MEGF8: variants seen among roughly 807,000 people sequenced by gnomAD.
The protein encoded by MEGF8 is multiple EGF like domains 8, also known as multiple epidermal growth factor-like domains protein 8.
MEGF8 carries 156 observed loss-of-function variants against 302.9 expected under a neutral mutation model. The ratio of observed to expected loss-of-function variants is 0.52; its 90% CI spans 0.45 to 0.59. The LOEUF is 0.59. MEGF8 is among the 20% of genes least tolerant of loss of function. The pLI, the probability that MEGF8 is intolerant of heterozygous loss-of-function variation, is 0.00. For missense variants in MEGF8, 3,345 were observed against 3,964.5 expected (o/e 0.84, Z 4.20); for synonymous variants, 1,621 against 1,660.5 (o/e 0.98, Z 0.58).
Position 42,368,697 on chromosome 19 carries a change from G to A in MEGF8, c.6481+35G>A, listed in dbSNP as rs550244034. ...CTTTGGGCACTGGGGGAGAGGGGCT[G>A]GCCCTTGGTTGGGGTCTGATACAGT... On this transcript the variant is annotated intron_variant, in intron 36 of 41. Transcript: ENST00000251268. The surrounding 1 kb of genome is among the most constrained non-coding windows in gnomAD (Gnocchi z 4.9). The A allele has an allele frequency of 6.5e-6, 10 of 1,531,014 alleles. No individual in the cohort carries two copies. In the East Asian group the frequency reaches 2.1e-4, roughly 31 times the overall value. 94.8% of individuals were successfully genotyped at this position (1,531,014 alleles called of 1,614,324 possible).
rs765906928 is a variant in MEGF8 at position 42,348,382 on chromosome 19, A to G, written c.2208A>G (p.Gly736=). Reference sequence around the variant, plus strand: ...CAATGCTGCCTGGAGGGCCAGGTGGACCAGGGGCTGAGGACGTGGCCGTGT... The same window carrying G: ...CAATGCTGCCTGGAGGGCCAGGTGGGCCAGGGGCTGAGGACGTGGCCGTGT... The part of the protein sequence containing the change: ...IYPMLPGGPG[G]PGAEDVAVWT... Residue 736 remains glycine, a synonymous_variant, in exon 13 of 42, where the codon GGA becomes GGG. Transcript: ENST00000251268. The G allele has an allele frequency of 1.8e-4, 284 of 1,537,182 alleles. No individual in the cohort carries two copies. Among genetic ancestry groups the G allele is most frequent in the Admixed American group, 3.7e-4 (19 of 50,978 alleles).
rs2039134924 is a variant in MEGF8, at chr19:42,336,834, G to A, written c.1272G>A (p.Glu424=). 1 of 1,607,482 alleles carries A rather than the reference G, an allele frequency of 6.2e-7. No homozygotes were observed. The highest frequency in any genetic ancestry group is 8.5e-7 in the Non-Finnish European group (1 of 1,176,548). ...TCTCTGTGCGAGTGAACTCCACTGAGCTTTTCCACGTGGATCGGCATGTGT... is the reference window on the plus strand; with the variant it reads ...TCTCTGTGCGAGTGAACTCCACTGAACTTTTCCACGTGGATCGGCATGTGT... ...ARFSVRVNST[E]LFHVDRHVWT... is the part of the protein sequence containing the mutation. The change falls in exon 7 of 42, where the codon GAG becomes GAA. Residue 424 remains glutamate, a synonymous_variant. Coordinates refer to ENST00000251268, the MANE Select transcript of MEGF8 (RefSeq NM_001271938.2). This position sits in a 1 kb window ranked among gnomAD's most constrained non-coding sequence, Gnocchi z 4.8.
chr19:42,357,470 C>T lies in MEGF8; in HGVS notation c.4897C>T (p.Leu1633=). The T allele has an allele frequency of 6.2e-7, 1 of 1,613,828 alleles. No individual in the cohort carries two copies. The highest frequency in any genetic ancestry group is 8.5e-7 in the Non-Finnish European group (1 of 1,179,812). Residue 1633 remains leucine, a synonymous_variant, in exon 28 of 42, where the codon CTG becomes TTG. Coordinates refer to ENST00000251268, the MANE Select transcript of MEGF8 (RefSeq NM_001271938.2). This position sits in a 1 kb window ranked among gnomAD's most constrained non-coding sequence, Gnocchi z 5.2. Reference sequence around the variant, plus strand: ...CCTTACTGCCCGCCGAGGCCTGTCTCTGCTCCTGGTGGGCGGTTACTCCCC... The same window carrying T: ...CCTTACTGCCCGCCGAGGCCTGTCTTTGCTCCTGGTGGGCGGTTACTCCCC... ...HTLTARRGLS[L]LLVGGYSPEN... is the part of the protein sequence containing the mutation.
At chr19:42,349,342 T>G (rs2039335350) in intron 13 of MEGF8, among the ~76,000 whole-genome samples, 157 bp from the exon 14 acceptor site, 3 of 142,514 alleles carry the variant, frequency 2.1e-5, no homozygotes, top group East Asian at 2.1e-4. Flanking sequence ...GGAGGGTCCC[T>G]GGGGGTCTCA....
intron 41 of MEGF8, among the ~76,000 whole-genome samples, chr19:42,372,029 C>T (rs900077372): frequency 1.6e-4 from 21 of 133,882 alleles, no homozygotes; most frequent in Non-Finnish European, 3.0e-4. Context: ...GGCTGCAGGA[C>T]TCTGTCTCAA....
intron 34 of MEGF8, 35 bp downstream of exon 34, chr19:42,362,632 T>C (rs1286552153): frequency 6.3e-7 from 1 of 1,599,672 alleles, no homozygotes. Flanking sequence ...GAGGGGAGTC[T>C]TGGGGCCTGG....
At chr19:42,331,609 G>A (rs1600007975) in intron 1 of MEGF8, among the ~76,000 whole-genome samples, 1 of 150,548 alleles carries the variant, frequency 6.6e-6, no homozygotes, top group Admixed American at 6.7e-5. Flanking sequence ...CACTCTTGTC[G>A]CCCAGGCTGG....
In MEGF8 at chr19:42,375,644, G is replaced by T; in HGVS notation, c.7407G>T (p.Ala2469=). The change falls in exon 42 of 42, where the codon GCG becomes GCT. Residue 2469 remains alanine (A), a synonymous_variant. Coordinates refer to ENST00000251268, the MANE Select transcript of MEGF8 (RefSeq NM_001271938.2). The surrounding 1 kb of genome is among the most constrained non-coding windows in gnomAD (Gnocchi z 7.1). ...GCTTCCATGAGCCCAAACGCCGGGC[G>T]CTAGGCCCCGGCCGCACTGTCCTCT... ...TNCFHEPKRR[A]LGPGRTVLFG... is the part of the protein sequence containing the mutation. The T allele has an allele frequency of 6.2e-7, 1 of 1,609,438 alleles. No individual in the cohort carries two copies. Among genetic ancestry groups the T allele is most frequent in the Non-Finnish European group, 8.5e-7 (1 of 1,178,448 alleles).
rs753271808 is a variant in MEGF8 at position 42,333,772 on chromosome 19, A to G, written c.351+4A>G. The G allele has an allele frequency of 4.3e-5, 70 of 1,613,498 alleles. No individual in the cohort carries two copies. The highest frequency in any genetic ancestry group is 2.9e-4 in the African/African-American group (22 of 74,924). ...CATCGAAGCTTCCTCAGGCAAGGTTAGTGGGGATGGGGCCGTGGCAGATAC... is the reference window on the plus strand; with the variant it reads ...CATCGAAGCTTCCTCAGGCAAGGTTGGTGGGGATGGGGCCGTGGCAGATAC... On this transcript the variant is annotated splice_donor_region_variant and intron_variant, in intron 2 of 41. Transcript: ENST00000251268.
At position 42,354,863 on chromosome 19, in the gene MEGF8, G is replaced by A; in HGVS notation, c.4144+143G>A. On this transcript the variant is annotated intron_variant, in intron 23 of 41. Transcript: ENST00000251268. The surrounding 1 kb of genome is among the most constrained non-coding windows in gnomAD (Gnocchi z 4.3). ...AGTCCCTCACCATCTCTGGACCTCA[G>A]TGTCCTTAGTTGAGAGGAAAATAGG... The A allele has an allele frequency of 1.1e-6, 1 of 913,318 alleles. No homozygotes were observed. The highest frequency in any genetic ancestry group is 1.6e-6 in the Non-Finnish European group (1 of 632,214). The allele number at this position is 913,318 out of a possible 1,614,324, so 56.6% of individuals were successfully genotyped here. A position where few individuals can be genotyped will look rare whatever the true frequency, so the allele number is the denominator to read the frequency against.
At position 42,368,154 on chromosome 19, in the gene MEGF8, G is replaced by C. The variant is rs150273263; in HGVS notation, c.6274-301G>C. ...GCTGGTCTGGAACTCTTGGGCTCAAGTGATCCTCCCACTGTAGCCTCCCAA... is the reference window on the plus strand; with the variant it reads ...GCTGGTCTGGAACTCTTGGGCTCAACTGATCCTCCCACTGTAGCCTCCCAA... On this transcript the variant is annotated intron_variant, in intron 35 of 41. Transcript: ENST00000251268. The surrounding 1 kb of genome is among the most constrained non-coding windows in gnomAD (Gnocchi z 4.9). 7.9e-5 allele frequency among the ~76,000 whole-genome samples: 12 copies of C among 152,316 alleles called. No individual in the cohort carries two copies. The highest frequency in any genetic ancestry group is 7.2e-4 in the Admixed American group (11 of 15,296).
At chr19:42,340,746 C>T (rs930812655) in intron 8 of MEGF8, among the ~76,000 whole-genome samples, 3 of 152,152 alleles carry the variant, frequency 2.0e-5, no homozygotes, top group Non-Finnish European at 2.9e-5. Context: ...CCACTCACTG[C>T]AACCTCCACC....
At position 42,368,947 on chromosome 19, in the gene MEGF8, C is replaced by T; in HGVS notation, c.6586C>T (p.His2196Tyr). ...HHDCNETQNC[H>Y]DQPHGYECSC... ...CGACTGCAACGAGACGCAGAATTGC[C>T]ACGACCAGCCCCACGGCTATGAGTG... is the stretch of plus-strand genomic sequence containing the variant. The change falls in exon 37 of 42, where the codon CAC (histidine) becomes TAC (tyrosine). Residue 2196 changes from histidine (H) to tyrosine (Y), a missense_variant. His to Tyr is a moderately conservative substitution (Grantham distance 83, BLOSUM62 2). Coordinates refer to ENST00000251268, the MANE Select transcript of MEGF8 (RefSeq NM_001271938.2). The surrounding 1 kb of genome is among the most constrained non-coding windows in gnomAD (Gnocchi z 4.9). The T allele has an allele frequency of 6.2e-7, 1 of 1,613,918 alleles. No homozygotes were observed. The highest frequency in any genetic ancestry group is 8.5e-7 in the Non-Finnish European group (1 of 1,179,900).
chr19:42,345,695 C>G (rs1386936683), intron 12 of MEGF8, among the ~76,000 whole-genome samples: 1 of 152,222 alleles, frequency 6.6e-6, no homozygotes, highest in South Asian at 2.1e-4. Flanking sequence ...CATTCATCAG[C>G]TGATGGACGT....
At chr19:42,361,131 G>T (rs73033437) in intron 32 of MEGF8, 125 bp downstream of exon 32, 1 of 1,019,996 alleles carries the variant, frequency 9.8e-7, no homozygotes, top group Non-Finnish European at 1.4e-6. Flanking sequence ...GTGAATCACC[G>T]CAGGCAGGGT....
rs778618329 is a variant in MEGF8 at position 42,356,161 on chromosome 19, T to G, written c.4471T>G (p.Trp1491Gly). 1.3e-6 allele frequency: 2 copies of G among 1,560,894 alleles called. No homozygotes were observed. Among genetic ancestry groups the G allele is most frequent in the Admixed American group, 1.9e-5 (1 of 53,384 alleles). ...ATKLDGGQLV[W>G]ETLMDSRLSA... ...CAAGCTGGATGGCGGGCAGCTGGTC[T>G]GGGAGACCCTCATGGACAGCCGCCT... Residue 1491 changes from tryptophan to glycine, a missense_variant, in exon 25 of 42, where the codon TGG becomes GGG. Transcript: ENST00000251268. This position sits in a 1 kb window ranked among gnomAD's most constrained non-coding sequence, Gnocchi z 5.2.
In MEGF8 at chr19:42,352,326, G is replaced by T; in HGVS notation, c.3220G>T (p.Asp1074Tyr). The T allele has an allele frequency of 6.3e-7, 1 of 1,583,468 alleles. No individual in the cohort carries two copies. Among genetic ancestry groups the T allele is most frequent in the Non-Finnish European group, 8.6e-7 (1 of 1,165,572 alleles). Reference sequence around the variant, plus strand: ...CCGCTGGGCATACGCCCGCTGTCCTGACGTGGATGAGTGTCGCCTGGGCCT... The same window carrying T: ...CCGCTGGGCATACGCCCGCTGTCCTTACGTGGATGAGTGTCGCCTGGGCCT... Reference protein sequence around the residue: ...PARWAYARCPDVDECRLGLAR... With the variant: ...PARWAYARCPYVDECRLGLAR... Residue 1074 changes from aspartate (D) to tyrosine (Y), a missense_variant, in exon 19 of 42, where the codon GAC (aspartate) becomes TAC (tyrosine). Coordinates refer to ENST00000251268, the MANE Select transcript of MEGF8 (RefSeq NM_001271938.2). This position sits in a 1 kb window ranked among gnomAD's most constrained non-coding sequence, Gnocchi z 4.4.
At position 42,344,536 on chromosome 19, in the gene MEGF8, T is replaced by C; in HGVS notation, c.1884T>C (p.Pro628=). The change falls in exon 11 of 42, where the codon CCT becomes CCC. Residue 628 remains proline (P), a synonymous_variant. Coordinates refer to ENST00000251268, the MANE Select transcript of MEGF8 (RefSeq NM_001271938.2). This position sits in a 1 kb window ranked among gnomAD's most constrained non-coding sequence, Gnocchi z 4.5. ...GCCCCACAGCCCCTCCACGGGGACCTGGCACCCTGGGCTGGTGCGTGCACA... is the reference window on the plus strand; with the variant it reads ...GCCCCACAGCCCCTCCACGGGGACCCGGCACCCTGGGCTGGTGCGTGCACA... ...FSSPTAPPRG[P]GTLGWCVHNE... The C allele has an allele frequency of 6.2e-7, 1 of 1,600,216 alleles. No homozygotes were observed. The highest frequency in any genetic ancestry group is 1.1e-5 in the South Asian group (1 of 90,934).
chr19:42,370,304 A>G lies in MEGF8; in HGVS notation c.6950A>G (p.Lys2317Arg). The G allele has an allele frequency of 1.2e-6, 2 of 1,612,046 alleles. No individual in the cohort carries two copies. Among genetic ancestry groups the G allele is most frequent in the Non-Finnish European group, 1.7e-6 (2 of 1,179,072 alleles). Residue 2317 changes from lysine (K) to arginine (R), a missense_variant, in exon 39 of 42, where the codon AAG becomes AGG. Coordinates refer to ENST00000251268, the MANE Select transcript of MEGF8 (RefSeq NM_001271938.2). Reference sequence around the variant, plus strand: ...AATAGCCACATCTGCATCTCCAGGAAGGAGTTACAAATGTCCAAGGGAGAG... The same window carrying G: ...AATAGCCACATCTGCATCTCCAGGAGGGAGTTACAAATGTCCAAGGGAGAG... ...RGNSHICISR[K>R]ELQMSKGEPK...
Sources: gnomAD v4.1 joint callset for allele counts (sites outside exome capture counted in the v4.1 genomes callset) on GRCh38, gnomAD v4.1.1 for gene constraint, Gnocchi (gnomAD v3.1) non-coding constraint, MANE v1.5 for transcripts, NCBI Gene and HGNC (gene_info 2026-07-23, HGNC 2026-07-21) for gene names.